Variants in KIAA0753 observed in about 807,000 individuals in gnomAD.
The protein encoded by KIAA0753 is KIAA0753.
Under a neutral mutation model 116.9 loss-of-function variants are expected in KIAA0753, and 114 were observed. That is an observed-to-expected ratio of 0.98 (90% CI 0.84 to 1.14). The LOEUF (loss-of-function observed/expected upper bound fraction) is 1.14, where lower values mean the gene tolerates loss of function less well. Ranked by LOEUF, KIAA0753 falls within the 50% of genes most tolerant of loss-of-function variation. The pLI is 0.00. For synonymous variants in KIAA0753, 405 were observed against 413.1 expected, an observed-to-expected ratio of 0.98 and a Z score of 0.24; for missense variants, 1,156 against 1,172.4, an observed-to-expected ratio of 0.99 and a Z score of 0.20.
intron 18 of KIAA0753, among the ~76,000 whole-genome samples, chr17:6,589,561 G>A (rs1968833975): frequency 6.6e-6 from 1 of 152,128 alleles, no homozygotes; most frequent in African/African-American, 2.4e-5. Context: ...GAAAAAGAAG[G>A]CTGCAGAGCA....
chr17:6,579,160 T>C lies in KIAA0753; in HGVS notation c.*587A>G, dbSNP rs1967962613. On this transcript the variant is annotated 3_prime_UTR_variant, in exon 19 of 19. Transcript: ENST00000361413. Reference sequence around the variant, plus strand: ...ACGTTGAAGAAATGTGTGTCTATTATTGTGCACTGACAGCCAGGGGGCTCC... The same window carrying C: ...ACGTTGAAGAAATGTGTGTCTATTACTGTGCACTGACAGCCAGGGGGCTCC... 1 of 152,338 alleles carries C rather than the reference T, an allele frequency of 6.6e-6. No homozygotes were observed. The allele number at this position is 152,338 out of a possible 1,614,324, so 9.4% of individuals were successfully genotyped here.
intron 12 of KIAA0753, among the ~76,000 whole-genome samples, chr17:6,601,743 A>C (rs1969888177): frequency 6.6e-6 from 1 of 152,256 alleles, no homozygotes; most frequent in African/African-American, 2.4e-5. Context: ...AGACACTAAC[A>C]TAGGCAATGA....
intron 18 of KIAA0753, 55 bp downstream of exon 18, chr17:6,589,724 A>T: frequency 7.4e-7 from 1 of 1,345,874 alleles, no homozygotes; most frequent in Non-Finnish European, 1.0e-6. Context: ...GCTTTTTCTA[A>T]GTCTAAAATT....
intron 16 of KIAA0753, among the ~76,000 whole-genome samples, chr17:6,593,258 A>G (rs1969205746): frequency 6.6e-6 from 1 of 152,264 alleles, no homozygotes; most frequent in Admixed American, 6.5e-5. Flanking sequence ...AAAAGGGGCC[A>G]GGTGACGGGG....
intron 12 of KIAA0753, among the ~76,000 whole-genome samples, chr17:6,601,593 G>A (rs1240532250): frequency 2.0e-5 from 3 of 152,146 alleles, no homozygotes; most frequent in East Asian, 1.9e-4. Flanking sequence ...TGTTGGAATA[G>A]CCAGATATCC....
intron 7 of KIAA0753, among the ~76,000 whole-genome samples, chr17:6,620,153 G>A (rs1179883476): frequency 2.0e-5 from 3 of 152,126 alleles, no homozygotes; most frequent in Non-Finnish European, 2.9e-5. Flanking sequence ...GTGAAGAAAC[G>A]ACAACCCTCA....
At chr17:6,613,094 C>T (rs1376869612) in intron 7 of KIAA0753, among the ~76,000 whole-genome samples, 2 of 151,966 alleles carry the variant, frequency 1.3e-5, no homozygotes, top group Non-Finnish European at 2.9e-5. Flanking sequence ...GAGGGGTCAG[C>T]AAGGTTTCTG....
chr17:6,602,144 G>A (rs1478815346), intron 12 of KIAA0753, among the ~76,000 whole-genome samples: 3 of 152,172 alleles, frequency 2.0e-5, no homozygotes. Flanking sequence ...GAAACCAATA[G>A]AAACGAACTC....
intron 16 of KIAA0753, among the ~76,000 whole-genome samples, chr17:6,593,818 G>C (rs1212055354): frequency 6.6e-6 from 1 of 152,252 alleles, no homozygotes; most frequent in Non-Finnish European, 1.5e-5. Flanking sequence ...TCGGGAGGTA[G>C]AGGTTGTGGT....
intron 14 of KIAA0753, 91 bp downstream of exon 14, chr17:6,599,146 T>A (rs1969678487): frequency 1.2e-6 from 1 of 864,006 alleles, no homozygotes. Flanking sequence ...GATAATCTAG[T>A]GTTTGCAAAG....
At chr17:6,633,086 ATTCT>A (rs1972103918) in intron 2 of KIAA0753, among the ~76,000 whole-genome samples, 1 of 152,186 alleles carries the variant, frequency 6.6e-6, no homozygotes, top group South Asian at 2.1e-4. Context: ...ATATAATAGA[ATTCT>A]TTATTTTCAG....
intron 6 of KIAA0753, among the ~76,000 whole-genome samples, chr17:6,621,878 G>A (rs1170826551): frequency 6.6e-6 from 1 of 152,038 alleles, no homozygotes; most frequent in Non-Finnish European, 1.5e-5. Context: ...AAAATTCTGA[G>A]GTCTGCATTT....
At position 6,639,042 on chromosome 17, in the gene KIAA0753, A is replaced by C. The variant is rs1972502319; in HGVS notation, c.-69+1595T>G. On this transcript the variant is annotated intron_variant, in intron 1 of 18. Transcript: ENST00000361413. This position sits in a 1 kb window ranked among gnomAD's most constrained non-coding sequence, Gnocchi z 4.3. The stretch of plus-strand genomic sequence containing the variant: ...TGAACCCTGGGTCACCTCCACATCT[A>C]GTTTCCTCTTCAGCAGCACAGGGCA... 6.6e-6 allele frequency: 1 copy of C among 152,350 alleles called. No individual in the cohort carries two copies. The highest frequency in any genetic ancestry group is 6.6e-5 in the Admixed American group (1 of 15,240). 9.4% of individuals were successfully genotyped at this position (152,350 alleles called of 1,614,324 possible). A position where few individuals can be genotyped will look rare whatever the true frequency, so the allele number is the denominator to read the frequency against.
intron 15 of KIAA0753, 63 bp from the exon 16 acceptor site, chr17:6,595,116 C>T: frequency 8.5e-7 from 1 of 1,176,420 alleles, no homozygotes; most frequent in East Asian, 2.4e-5. Flanking sequence ...CAAACCAGAA[C>T]TGGTAAAGAT....
chr17:6,599,303 T>C lies in KIAA0753; in HGVS notation c.2106A>G (p.Thr702=). 2 of 1,612,718 alleles carry C rather than the reference T, an allele frequency of 1.2e-6. No individual in the cohort carries two copies. Among genetic ancestry groups the C allele is most frequent in the Non-Finnish European group, 8.5e-7 (1 of 1,178,804 alleles). The change falls in exon 14 of 19, where the codon ACA becomes ACG. Residue 702 remains threonine, a synonymous_variant. Transcript: ENST00000361413. ...CATCTTTCAAATGAATATTTGCTTC[T>C]GTAGTAGAATTGACTCTCTATTAAA... The part of the protein sequence containing the change: ...LVKAQRVNST[T]EANIHLKDGS...
chr17:6,630,168 C>G (rs1212146401), intron 2 of KIAA0753, among the ~76,000 whole-genome samples: 1 of 151,434 alleles, frequency 6.6e-6, no homozygotes, highest in Non-Finnish European at 1.5e-5. Flanking sequence ...ATAAAAAGAT[C>G]AAAACTGAAT....
chr17:6,580,899 TAC>T lies in KIAA0753; in HGVS notation c.2787-1037_2787-1036del, dbSNP rs33914667. On this transcript the variant is annotated intron_variant, in intron 18 of 18. Coordinates refer to ENST00000361413, the MANE Select transcript of KIAA0753 (RefSeq NM_014804.3). ...GGGACTCTGCACGGGTGCTCCTCTG[TAC>T]ACACACACACACACACACACACACA... is the stretch of plus-strand genomic sequence containing the variant. Among the ~76,000 whole-genome samples, 781 of 144,004 alleles carry T rather than the reference TAC, an allele frequency of 5.4e-3. 2 individuals are homozygous for T. Among genetic ancestry groups the T allele is most frequent in the South Asian group, 0.011 (48 of 4,514 alleles). 94.5% of individuals were successfully genotyped at this position (144,004 alleles called of 152,430 possible). A position where few individuals can be genotyped will look rare whatever the true frequency, so the allele number is the denominator to read the frequency against.
At chr17:6,626,685 G>A (rs977728791) in intron 3 of KIAA0753, among the ~76,000 whole-genome samples, 1 of 152,190 alleles carries the variant, frequency 6.6e-6, no homozygotes. Context: ...TCCATGAAAG[G>A]TAAGTACAGA....
chr17:6,584,059 T>C (rs1044297284), intron 18 of KIAA0753, among the ~76,000 whole-genome samples: 2 of 152,094 alleles, frequency 1.3e-5, no homozygotes, highest in African/African-American at 4.8e-5. Context: ...CCTATTTACA[T>C]CCAGGTCACC....
Sources: allele counts gnomAD v4.1 joint callset (sites outside exome capture counted in the v4.1 genomes callset), GRCh38; gene constraint gnomAD v4.1.1; non-coding constraint Gnocchi (gnomAD v3.1); transcripts MANE v1.5; gene names NCBI Gene and HGNC (gene_info 2026-07-23, HGNC 2026-07-21).